ATP6V0A4: variants seen among roughly 807,000 people sequenced by gnomAD.
The protein encoded by ATP6V0A4 is ATPase H+ transporting V0 subunit a4, also known as V-type proton ATPase 116 kDa subunit a 4.
In ATP6V0A4, 86 loss-of-function variants were observed where a neutral mutation model predicts 107.3. The observed-to-expected ratio is 0.80, with a 90% CI of 0.67 to 0.96. The LOEUF is 0.96. Among genes scored for constraint, ATP6V0A4 ranks in the 40% least tolerant of loss-of-function variants. The pLI, the probability that ATP6V0A4 is intolerant of heterozygous loss-of-function variation, is 0.00. For synonymous variants in ATP6V0A4, 353 were observed against 381.4 expected (o/e 0.93, Z 0.87); for missense variants, 908 against 1,045.6 (o/e 0.87, Z 1.81).
chr7:138,737,579 C>CT (rs373540257), intron 15 of ATP6V0A4, among the ~76,000 whole-genome samples: 6,792 of 134,004 alleles, frequency 0.051, 240 homozygotes, highest in Non-Finnish European at 0.079. Context: ...TTTTCTTTTT[C>CT]TTTTTTTTTT....
At chr7:138,771,069 GTGCAAGAGTTATCTACTCCCACCCC>G in intron 3 of ATP6V0A4, 37 bp downstream of exon 3, 1 of 1,453,506 alleles carries the variant, frequency 6.9e-7, no homozygotes, top group South Asian at 1.1e-5. Context: ...AAGAAGTGTT[GTGCAAGAGTTATCTACTCCCACCCC>G]TGCCTTCCTC....
At chr7:138,749,411 T>C in intron 11 of ATP6V0A4, 94 bp from the exon 12 acceptor site, 2 of 1,460,672 alleles carry the variant, frequency 1.4e-6, no homozygotes, top group South Asian at 1.2e-5. Flanking sequence ...CTGCCGTCCC[T>C]CACTGAGCGA....
chr7:138,751,908 TGGGA>T (rs1789948295), intron 11 of ATP6V0A4, among the ~76,000 whole-genome samples: 1 of 151,988 alleles, frequency 6.6e-6, no homozygotes, highest in South Asian at 2.1e-4. Flanking sequence ...GAGGCTGAGA[TGGGA>T]GGATCACCTG....
chr7:138,710,569 C>T (rs977498213), intron 20 of ATP6V0A4, among the ~76,000 whole-genome samples: 2 of 152,152 alleles, frequency 1.3e-5, no homozygotes, highest in African/African-American at 4.8e-5. Context: ...ATATTTTATG[C>T]ATTTTTGTAA....
chr7:138,765,730 C>T (rs1368736454), intron 5 of ATP6V0A4, among the ~76,000 whole-genome samples: 1 of 148,750 alleles, frequency 6.7e-6, no homozygotes, highest in Admixed American at 6.7e-5. Context: ...TACTTTTATG[C>T]TGGTGGTTTT....
At chr7:138,726,559 A>C (rs966126488) in intron 18 of ATP6V0A4, among the ~76,000 whole-genome samples, 1 of 152,096 alleles carries the variant, frequency 6.6e-6, no homozygotes, top group Non-Finnish European at 1.5e-5. Context: ...AATAGACAGG[A>C]CCCCTGTTCA....
At chr7:138,729,986 C>T (rs898050880) in intron 17 of ATP6V0A4, among the ~76,000 whole-genome samples, 1 of 152,172 alleles carries the variant, frequency 6.6e-6, no homozygotes, top group Non-Finnish European at 1.5e-5. Flanking sequence ...TGGGTTCAAG[C>T]GAGTTGCTTG....
At chr7:138,746,025 T>G in intron 13 of ATP6V0A4, among the ~76,000 whole-genome samples, 1 of 141,232 alleles carries the variant, frequency 7.1e-6, no homozygotes, top group African/African-American at 2.6e-5. Flanking sequence ...TATAACATAA[T>G]ATATATTTAT....
intron 15 of ATP6V0A4, among the ~76,000 whole-genome samples, chr7:138,739,187 A>C (rs961723727): frequency 6.6e-6 from 1 of 152,230 alleles, no homozygotes. Context: ...GCAAGAAAAT[A>C]CAAAGCAGGG....
At chr7:138,739,374 T>G (rs1161521662) in intron 15 of ATP6V0A4, among the ~76,000 whole-genome samples, 166 bp downstream of exon 15, 5 of 152,154 alleles carry the variant, frequency 3.3e-5, no homozygotes, top group Non-Finnish European at 7.3e-5. Flanking sequence ...AGACAGAACT[T>G]TTACTTGACT....
intron 6 of ATP6V0A4, 63 bp from the exon 7 acceptor site, chr7:138,762,497 C>T (rs908518618): frequency 1.2e-6 from 2 of 1,601,010 alleles, no homozygotes; most frequent in African/African-American, 2.7e-5. Context: ...AAGGCACCTA[C>T]ACCTCAAGAT....
intron 20 of ATP6V0A4, among the ~76,000 whole-genome samples, chr7:138,713,279 T>C (rs1803844438): frequency 2.1e-5 from 1 of 47,158 alleles, no homozygotes; most frequent in Non-Finnish European, 3.5e-5. Flanking sequence ...CACTCCAGCC[T>C]GAAAAAAAAA....
At chr7:138,732,692 G>A (rs903627584) in intron 17 of ATP6V0A4, among the ~76,000 whole-genome samples, 185 bp downstream of exon 17, 3 of 151,914 alleles carry the variant, frequency 2.0e-5, no homozygotes, top group African/African-American at 7.3e-5. Flanking sequence ...CACTCAGGAG[G>A]CTGAGTCAGG....
rs1452346436 is a variant in ATP6V0A4 at position 138,749,290 on chromosome 7, T to C, written c.1057A>G (p.Ile353Val). 2 of 1,605,956 alleles carry C rather than the reference T, an allele frequency of 1.2e-6. No individual in the cohort carries two copies. Among genetic ancestry groups the C allele is most frequent in the Non-Finnish European group, 1.7e-6 (2 of 1,176,946 alleles). The change falls in exon 12 of 22, where the codon ATC (isoleucine) becomes GTC (valine). Residue 353 changes from isoleucine (I) to valine (V), a missense_variant. Ile to Val is a conservative substitution (Grantham distance 29). Transcript: ENST00000310018. ...MELSGSSMAP[I>V]MTTVQSKTAP... The stretch of plus-strand genomic sequence containing the variant: ...GTTTTAGATTGCACTGTGGTCATGA[T>C]GGGGGCCATGGAGGAGCCACTTAGT...
chr7:138,747,606 C>G, intron 12 of ATP6V0A4, 42 bp from the exon 13 acceptor site: 1 of 1,607,132 alleles, frequency 6.2e-7, no homozygotes, highest in South Asian at 1.1e-5. Context: ...CTCAGCACAG[C>G]CTCGGGGCCC....
intron 11 of ATP6V0A4, among the ~76,000 whole-genome samples, chr7:138,750,166 T>C (rs1806151816): frequency 6.6e-6 from 1 of 152,106 alleles, no homozygotes; most frequent in African/African-American, 2.4e-5. Flanking sequence ...TAATCCTCCA[T>C]TCACACCTTC....
chr7:138,729,636 G>T (rs550273455), intron 17 of ATP6V0A4, among the ~76,000 whole-genome samples: 23 of 152,288 alleles, frequency 1.5e-4, no homozygotes, highest in South Asian at 2.1e-4. Context: ...GACCAGTTTA[G>T]AGGAGTGACT....
chr7:138,730,260 G>A (rs929428334), intron 17 of ATP6V0A4, among the ~76,000 whole-genome samples: 1 of 151,878 alleles, frequency 6.6e-6, no homozygotes, highest in Non-Finnish European at 1.5e-5. Flanking sequence ...CCTAGTACCC[G>A]CACACAATGC....
chr7:138,792,778 G>GT (rs1365254498), intron 1 of ATP6V0A4, among the ~76,000 whole-genome samples: 2 of 48,018 alleles, frequency 4.2e-5, no homozygotes, highest in African/African-American at 1.5e-4. Flanking sequence ...TTTTTTTTTT[G>GT]TTGTTTTGTT....
Sources: allele counts gnomAD v4.1 joint callset (sites outside exome capture counted in the v4.1 genomes callset), GRCh38; gene constraint gnomAD v4.1.1; transcripts MANE v1.5; gene names NCBI Gene and HGNC (gene_info 2026-07-23, HGNC 2026-07-21).